Variants in ADARB2 observed in about 807,000 individuals in gnomAD.
ADARB2 encodes inactive double-stranded RNA-specific editase B2.
A neutral mutation model predicts 62.2 loss-of-function variants in ADARB2; 25 were observed. The ratio of observed to expected loss-of-function variants is 0.40; its 90% CI spans 0.29 to 0.56. The LOEUF (loss-of-function observed/expected upper bound fraction) is 0.56. Among genes scored for constraint, ADARB2 ranks in the 20% least tolerant of loss-of-function variants. ADARB2 has a pLI of 0.43. For synonymous variants in ADARB2, 572 were observed against 500.8 expected (o/e 1.14, Z -1.90); for missense variants, 1,071 against 1,077.4 (o/e 0.99, Z 0.08).
chr10:1,532,817 A>C (rs569541250), intron 1 of ADARB2, among the ~76,000 whole-genome samples: 3 of 152,210 alleles, frequency 2.0e-5, no homozygotes, highest in Admixed American at 6.5e-5. Context: ...CTGAATGTGC[A>C]GGTGCCCGCA....
At chr10:1,516,483 G>A (rs962110093) in intron 1 of ADARB2, among the ~76,000 whole-genome samples, 1 of 152,042 alleles carries the variant, frequency 6.6e-6, no homozygotes, top group Non-Finnish European at 1.5e-5. Flanking sequence ...TGTGTGGGCT[G>A]CTCTGTGCTA....
intron 5 of ADARB2, chr10:1,240,437 G>C (rs531731839): frequency 3.9e-5 from 6 of 152,052 alleles, no homozygotes; most frequent in African/African-American, 1.2e-4. Flanking sequence ...GTGATGGATT[G>C]TGTTCTGTGG....
At chr10:1,582,112 A>T (rs1380202025) in intron 1 of ADARB2, among the ~76,000 whole-genome samples, 1 of 152,198 alleles carries the variant, frequency 6.6e-6, no homozygotes, top group Non-Finnish European at 1.5e-5. Context: ...CTCTTGAAGA[A>T]ACTTGGGACC....
At chr10:1,263,048 G>T (rs1010897973) in intron 4 of ADARB2, among the ~76,000 whole-genome samples, 1 of 147,046 alleles carries the variant, frequency 6.8e-6, no homozygotes, top group African/African-American at 2.5e-5. Flanking sequence ...ACCAAACACT[G>T]CATGTTCTCA....
chr10:1,524,640 T>A (rs1433313377), intron 1 of ADARB2, among the ~76,000 whole-genome samples: 1 of 152,200 alleles, frequency 6.6e-6, no homozygotes, highest in Non-Finnish European at 1.5e-5. Flanking sequence ...GAGTGTTTGC[T>A]GTAGGCAGAC....
chr10:1,451,000 G>C (rs1269506210), intron 1 of ADARB2, among the ~76,000 whole-genome samples: 1 of 152,210 alleles, frequency 6.6e-6, no homozygotes, highest in Non-Finnish European at 1.5e-5. Flanking sequence ...AGCAGAGGGA[G>C]CTGATGGTGT....
chr10:1,422,908 C>A (rs60423315), intron 1 of ADARB2, among the ~76,000 whole-genome samples: 14,907 of 152,206 alleles, frequency 0.098, 951 homozygotes, highest in East Asian at 0.25. Context: ...TGGAGCCCAC[C>A]GAGTCTCCCT....
At chr10:1,626,730 C>T (rs763244768) in intron 1 of ADARB2, among the ~76,000 whole-genome samples, 7 of 152,196 alleles carry the variant, frequency 4.6e-5, no homozygotes, top group Admixed American at 2.6e-4. Context: ...CCCGGCTTGT[C>T]GCTCACCACC....
chr10:1,528,667 C>T (rs1832180334), intron 1 of ADARB2, among the ~76,000 whole-genome samples: 1 of 152,186 alleles, frequency 6.6e-6, no homozygotes, highest in East Asian at 1.9e-4. Flanking sequence ...GCACTCTTGC[C>T]CGTTGGGTGA....
chr10:1,460,625 G>GTTTACCTGCGTAA (rs1831160420), intron 1 of ADARB2, among the ~76,000 whole-genome samples: 1 of 38,708 alleles, frequency 2.6e-5, no homozygotes, highest in Admixed American at 2.7e-4. Context: ...TACCTGCGTA[G>GTTTACCTGCGTAA]CAAACCTGCC....
chr10:1,568,132 G>A (rs1430510649), intron 1 of ADARB2, among the ~76,000 whole-genome samples: 1 of 152,238 alleles, frequency 6.6e-6, no homozygotes, highest in African/African-American at 2.4e-5. Flanking sequence ...ACCACCCGGG[G>A]AACAGTGTCA....
At chr10:1,517,063 G>T (rs558383788) in intron 1 of ADARB2, among the ~76,000 whole-genome samples, 2 of 152,210 alleles carry the variant, frequency 1.3e-5, no homozygotes, top group African/African-American at 4.8e-5. Context: ...GCGTCAGGCC[G>T]CCTGCTCACT....
chr10:1,597,026 T>C (rs570533466), intron 1 of ADARB2, among the ~76,000 whole-genome samples: 1 of 152,252 alleles, frequency 6.6e-6, no homozygotes, highest in Admixed American at 6.5e-5. Flanking sequence ...GCCACGAGAC[T>C]CAAGAAAGTT....
intron 1 of ADARB2, among the ~76,000 whole-genome samples, chr10:1,660,028 G>C (rs942622291): frequency 1.3e-5 from 2 of 151,336 alleles, no homozygotes; most frequent in African/African-American, 4.9e-5. Context: ...CCGGGGCAGG[G>C]GCTGTCTCCA....
chr10:1,282,229 G>A (rs536823841), intron 3 of ADARB2, among the ~76,000 whole-genome samples: 5 of 152,306 alleles, frequency 3.3e-5, no homozygotes, highest in African/African-American at 7.2e-5. Flanking sequence ...TGGTGTTTAC[G>A]TGGTGCTCAG....
intron 1 of ADARB2, among the ~76,000 whole-genome samples, chr10:1,572,783 C>T (rs1461795441): frequency 6.6e-6 from 1 of 152,188 alleles, no homozygotes; most frequent in Admixed American, 6.5e-5. Context: ...CTGGGCTCCC[C>T]AGGGGCCATC....
intron 1 of ADARB2, among the ~76,000 whole-genome samples, chr10:1,467,852 G>A (rs10903464): frequency 0.44 from 66,745 of 152,040 alleles, 14,853 homozygotes; most frequent in Admixed American, 0.55. Context: ...CTCTGACATA[G>A]CGCTGTGTCC....
chr10:1,416,440 G>A (rs1202189445), intron 1 of ADARB2, among the ~76,000 whole-genome samples: 1 of 152,188 alleles, frequency 6.6e-6, no homozygotes, highest in African/African-American at 2.4e-5. Context: ...CCTACTCTGG[G>A]GTCCAAAGTC....
intron 1 of ADARB2, among the ~76,000 whole-genome samples, chr10:1,451,107 A>G (rs1831030780): frequency 6.6e-6 from 1 of 152,232 alleles, no homozygotes; most frequent in Non-Finnish European, 1.5e-5. Flanking sequence ...GGGAAGTCCT[A>G]CAGCAAAGAA....
Sources: gnomAD v4.1 joint callset for allele counts (sites outside exome capture counted in the v4.1 genomes callset) on GRCh38, gnomAD v4.1.1 for gene constraint, MANE v1.5 for transcripts, NCBI Gene and HGNC (gene_info 2026-07-23, HGNC 2026-07-21) for gene names.